The following TENM1 variants were observed in gnomAD, a reference collection of about 807,000 sequenced individuals.
The protein encoded by TENM1 is teneurin-1.
TENM1 carries 35 observed loss-of-function variants against 174.8 expected under a neutral mutation model. The ratio of observed to expected loss-of-function variants is 0.20; its 90% CI spans 0.15 to 0.27. The LOEUF is 0.27. Ranked by LOEUF, TENM1 falls within the 10% of genes least tolerant of loss-of-function variation. The pLI is 1.00. For synonymous variants in TENM1, 781 were observed against 798.7 expected (o/e 0.98, Z 0.37); for missense variants, 1,633 against 2,130.1 (o/e 0.77, Z 4.59).
intron 26 of TENM1, 110 bp from the exon 30 acceptor site, chrX:124,405,376 G>A: frequency 1.7e-6 from 1 of 590,824 alleles, no homozygotes; most frequent in Non-Finnish European, 2.7e-6. Context: ...AGCAGGTGGG[G>A]TGCTGTGGTC....
At chrX:124,990,400 G>C in the TENM1 span, among the ~76,000 whole-genome samples, 24 of 112,635 alleles carry the variant, frequency 2.1e-4, no homozygotes, top group Non-Finnish European at 3.6e-4. Flanking sequence ...ATTTGTTTTT[G>C]CCCCAAAGGG....
chrX:124,821,243 C>T (rs2147295130), intron 3 of TENM1, among the ~76,000 whole-genome samples: 1 of 111,873 alleles, frequency 8.9e-6, no homozygotes, highest in Non-Finnish European at 1.9e-5. Context: ...AGAGAGGTGG[C>T]TTGTCCTTCC....
rs745969451 is a variant in TENM1 at position 124,674,303 on chromosome X, C to CAAA, written c.1016-2471_1016-2469dup. 2.4e-3 allele frequency among the ~76,000 whole-genome samples: 40 copies of CAAA among 16,617 alleles called. 5 individuals are homozygous for CAAA. Among genetic ancestry groups the CAAA allele is most frequent in the African/African-American group, 3.8e-3 (18 of 4,770 alleles). 14.4% of individuals were successfully genotyped at this position (16,617 alleles called of 115,157 possible). On this transcript the variant is annotated intron_variant, in intron 5 of 31. Coordinates refer to ENST00000422452, the Ensembl canonical transcript of TENM1. ...ACATCAACCAAATCCTATCAAAAGG[C>CAAA]AAAAAAAAAAAAAAAAAAAAAAAAA...
the TENM1 span, among the ~76,000 whole-genome samples, chrX:125,134,557 T>G: frequency 8.9e-6 from 1 of 111,978 alleles, no homozygotes; most frequent in Admixed American, 9.5e-5. Context: ...CATCAACCAC[T>G]AGTTTCCCCG....
intron 1 of TENM1, among the ~76,000 whole-genome samples, chrX:124,928,375 T>C (rs1215132153): frequency 8.9e-6 from 1 of 112,164 alleles, no homozygotes; most frequent in Non-Finnish European, 1.9e-5. Flanking sequence ...ATTTCCAACA[T>C]ACTACATCAA....
chrX:124,476,709 C>T (rs2046733970), intron 22 of TENM1, among the ~76,000 whole-genome samples: 1 of 112,339 alleles, frequency 8.9e-6, no homozygotes, highest in African/African-American at 3.2e-5. Context: ...TATATCCCCA[C>T]CTAGTACCAT....
chrX:124,472,321 T>C (rs1432076293), intron 22 of TENM1, among the ~76,000 whole-genome samples: 1 of 61,559 alleles, frequency 1.6e-5, no homozygotes, highest in East Asian at 4.9e-4. Flanking sequence ...TTTAAACATA[T>C]GCTTGACGTA....
At chrX:124,452,644 G>C (rs1569532389) in intron 23 of TENM1, among the ~76,000 whole-genome samples, 1 of 111,296 alleles carries the variant, frequency 9.0e-6, no homozygotes, top group Non-Finnish European at 1.9e-5. Flanking sequence ...TGATAGACTG[G>C]ATTAAGAAAA....
At chrX:124,989,544 C>T in the TENM1 span, among the ~76,000 whole-genome samples, 17 of 110,567 alleles carry the variant, frequency 1.5e-4, no homozygotes, top group Middle Eastern at 4.7e-3. Flanking sequence ...CAAAAGCAAA[C>T]GGCTTGAAAC....
intron 3 of TENM1, among the ~76,000 whole-genome samples, chrX:124,749,804 A>G (rs2054019766): frequency 9.0e-6 from 1 of 111,593 alleles, no homozygotes; most frequent in Non-Finnish European, 1.9e-5. Context: ...CTGTGTATCA[A>G]CCTAATTTGG....
At chrX:124,661,738 AT>A (rs2051606860) in intron 6 of TENM1, among the ~76,000 whole-genome samples, 1 of 111,583 alleles carries the variant, frequency 9.0e-6, no homozygotes, top group African/African-American at 3.3e-5. Flanking sequence ...AATAAAAACA[AT>A]TATATGATGA....
the TENM1 span, among the ~76,000 whole-genome samples, chrX:125,115,535 G>T: frequency 9.0e-6 from 1 of 111,673 alleles, no homozygotes; most frequent in South Asian, 3.8e-4. Flanking sequence ...AGCAACTTCA[G>T]CAAAGTCTCA....
rs780570583 is a variant in TENM1, at chrX:124,936,677, A to C, written c.217+26860T>G. Among the ~76,000 whole-genome samples the C allele has an allele frequency of 1.5e-3, 168 of 112,445 alleles. 3 individuals carry two copies. Among genetic ancestry groups the C allele is most frequent in the African/African-American group, 3.9e-3 (121 of 31,002 alleles). ...TGACAATGCTGTACTGTTTTGGTGCAAAATCAAGCCTGGTTAATCACAGAG... is the reference window on the plus strand; with the variant it reads ...TGACAATGCTGTACTGTTTTGGTGCCAAATCAAGCCTGGTTAATCACAGAG... On this transcript the variant is annotated intron_variant, in intron 1 of 31. Coordinates refer to ENST00000422452, the Ensembl canonical transcript of TENM1.
the TENM1 span, among the ~76,000 whole-genome samples, chrX:125,066,054 CAT>C: frequency 8.9e-6 from 1 of 111,819 alleles, no homozygotes; most frequent in African/African-American, 3.3e-5. Context: ...GTCATCCTTG[CAT>C]ATGTTTAATA....
chrX:125,035,056 G>A, the TENM1 span, among the ~76,000 whole-genome samples: 4 of 111,812 alleles, frequency 3.6e-5, no homozygotes, highest in African/African-American at 1.3e-4. Context: ...GGTGGTTAAT[G>A]CTTATACATA....
At chrX:124,465,366 G>A (rs1474510575) in intron 22 of TENM1, among the ~76,000 whole-genome samples, 2 of 110,849 alleles carry the variant, frequency 1.8e-5, no homozygotes, top group East Asian at 2.8e-4. Context: ...ATTCCCCCTC[G>A]GCCTCTCTAA....
chrX:124,742,777 C>A (rs1358595117), intron 3 of TENM1, among the ~76,000 whole-genome samples: 1 of 110,271 alleles, frequency 9.1e-6, no homozygotes, highest in African/African-American at 3.3e-5. Flanking sequence ...TCTTATGAGG[C>A]AATATTAATT....
chrX:125,146,750 C>T, the TENM1 span, among the ~76,000 whole-genome samples: 2 of 111,070 alleles, frequency 1.8e-5, no homozygotes, highest in Non-Finnish European at 3.8e-5. Context: ...CCCTTACTCA[C>T]GGTTTGTTTT....
At chrX:124,376,752 G>T (rs768052980) in exon 32 of TENM1, 1 of 108,295 alleles carries the variant, frequency 9.2e-6, no homozygotes, top group Non-Finnish European at 1.9e-5. Flanking sequence ...TTGTTTTTTT[G>T]TTTTTTGCGC....
Sources: gnomAD v4.1 joint callset for allele counts (sites outside exome capture counted in the v4.1 genomes callset) on GRCh38, gnomAD v4.1.1 for gene constraint, MANE v1.5 for transcripts, NCBI Gene and HGNC (gene_info 2026-07-23, HGNC 2026-07-21) for gene names.